The following LRRC4C variants were observed in gnomAD, a reference collection of about 807,000 sequenced individuals.
The protein encoded by LRRC4C is leucine rich repeat containing 4C.
A neutral mutation model predicts 33.6 loss-of-function variants in LRRC4C; 5 were observed. The ratio of observed to expected loss-of-function variants is 0.15; its 90% confidence interval spans 0.08 to 0.31. The LOEUF is 0.31. Among genes scored for constraint, LRRC4C ranks in the 10% least tolerant of loss-of-function variants. LRRC4C has a pLI of 1.00. For missense variants in LRRC4C, 560 were observed against 796.7 expected (o/e 0.70, Z 3.58); for synonymous variants, 329 against 302.0 (o/e 1.09, Z -0.93).
chr11:40,827,235 A>G (rs1396876517), intron 2 of LRRC4C, among the ~76,000 whole-genome samples: 1 of 151,884 alleles, frequency 6.6e-6, no homozygotes, highest in Admixed American at 6.6e-5. Context: ...TTTTAGTTGT[A>G]TAAATGCATC....
intron 1 of LRRC4C, among the ~76,000 whole-genome samples, chr11:41,449,276 T>G (rs1450887361): frequency 3.3e-5 from 5 of 152,140 alleles, no homozygotes; most frequent in African/African-American, 1.2e-4. Flanking sequence ...TTGGAAAAGT[T>G]GGAGCTAAAT....
At chr11:40,378,269 T>C (rs993763333) in intron 3 of LRRC4C, among the ~76,000 whole-genome samples, 2 of 152,038 alleles carry the variant, frequency 1.3e-5, no homozygotes, top group South Asian at 2.1e-4. Flanking sequence ...CTTATTTCAC[T>C]TGATTAACTT....
chr11:41,252,983 A>G (rs1351877146), intron 1 of LRRC4C, among the ~76,000 whole-genome samples: 2 of 152,136 alleles, frequency 1.3e-5, no homozygotes, highest in Non-Finnish European at 2.9e-5. Context: ...TCAAGATGAG[A>G]CTTGGATGGG....
chr11:40,398,935 C>T (rs556133086), intron 3 of LRRC4C, among the ~76,000 whole-genome samples: 3 of 152,178 alleles, frequency 2.0e-5, no homozygotes, highest in East Asian at 1.9e-4. Flanking sequence ...TCCCTTGGTG[C>T]GTTAAAGCTG....
intron 1 of LRRC4C, chr11:41,222,985 G>A (rs1487573575): frequency 6.6e-6 from 1 of 152,000 alleles, no homozygotes; most frequent in Non-Finnish European, 1.5e-5. Context: ...TACGGATAAT[G>A]ACAGTAAACA....
At chr11:41,150,961 A>C (rs1157962222) in intron 1 of LRRC4C, among the ~76,000 whole-genome samples, 1 of 152,090 alleles carries the variant, frequency 6.6e-6, no homozygotes, top group Admixed American at 6.5e-5. Context: ...GGGATGAATA[A>C]AGTTCATATT....
chr11:41,422,177 T>C (rs2138332764), intron 1 of LRRC4C, among the ~76,000 whole-genome samples: 1 of 152,154 alleles, frequency 6.6e-6, no homozygotes, highest in South Asian at 2.1e-4. Flanking sequence ...ATTGTCATTG[T>C]TCTGCCTTTT....
chr11:40,850,941 C>T (rs1953455746), intron 2 of LRRC4C, among the ~76,000 whole-genome samples: 1 of 152,200 alleles, frequency 6.6e-6, no homozygotes, highest in African/African-American at 2.4e-5. Context: ...CCAGGAAAAC[C>T]ACCTACTCAA....
In LRRC4C at chr11:41,213,549, C is replaced by A. The variant is rs1946911700; in HGVS notation, c.-496+245882G>T. ...CTTCTCTACCACATAGTGAATGGGT[C>A]ACAGCAAAAGATTTAGTGCTACAAA... On this transcript the variant is annotated intron_variant, in intron 1 of 6. Transcript: ENST00000528697. Among the ~76,000 whole-genome samples the A allele has an allele frequency of 3.3e-5, 5 of 152,278 alleles. No homozygotes were observed. The South Asian group carries it at 1.0e-3, about 32-fold the overall frequency.
chr11:40,546,574 T>C (rs1219862925), intron 3 of LRRC4C, among the ~76,000 whole-genome samples: 1 of 152,042 alleles, frequency 6.6e-6, no homozygotes, highest in Non-Finnish European at 1.5e-5. Flanking sequence ...ATGAAAAAAT[T>C]TGAATTACAG....
intron 3 of LRRC4C, among the ~76,000 whole-genome samples, chr11:40,324,386 A>T (rs975628665): frequency 1.3e-5 from 2 of 152,312 alleles, no homozygotes; most frequent in Middle Eastern, 6.8e-3. Flanking sequence ...TTGAATTCAT[A>T]TGACATCAGA....
At chr11:40,967,946 CAT>C (rs1851474057) in intron 1 of LRRC4C, among the ~76,000 whole-genome samples, 1 of 151,830 alleles carries the variant, frequency 6.6e-6, no homozygotes, top group Admixed American at 6.6e-5. Context: ...GAAAAAAACA[CAT>C]ATCTCACTTT....
In LRRC4C at chr11:40,756,593, T is replaced by G. The variant is rs112489973; in HGVS notation, c.-406-108315A>C. On this transcript the variant is annotated intron_variant, in intron 2 of 6. Coordinates refer to ENST00000528697, the MANE Select transcript of LRRC4C (RefSeq NM_001258419.2). The stretch of plus-strand genomic sequence containing the variant: ...ATTTTCTCCATATGCAAAATATCCT[T>G]TGGTATTTGGATACATTTTCAAAGC... Among the ~76,000 whole-genome samples, 682 of 152,160 alleles carry G rather than the reference T, an allele frequency of 4.5e-3. 6 individuals are homozygous for G. The highest frequency in any genetic ancestry group is 0.016 in the African/African-American group (660 of 41,546).
At chr11:40,798,608 A>G (rs1950919890) in intron 2 of LRRC4C, among the ~76,000 whole-genome samples, 2 of 151,366 alleles carry the variant, frequency 1.3e-5, no homozygotes, top group Non-Finnish European at 1.5e-5. Flanking sequence ...TCTAGAGGTT[A>G]TCAGTATTAT....
intron 6 of LRRC4C, among the ~76,000 whole-genome samples, chr11:40,139,669 C>G (rs530612793): frequency 6.6e-6 from 1 of 152,272 alleles, no homozygotes; most frequent in African/African-American, 2.4e-5. Context: ...CAATTAAACC[C>G]AAGACAGCAC....
intron 2 of LRRC4C, among the ~76,000 whole-genome samples, chr11:40,754,183 C>G (rs909309035): frequency 2.8e-4 from 42 of 151,896 alleles, no homozygotes; most frequent in African/African-American, 9.4e-4. Context: ...TAATTTTGTT[C>G]ACTGATGTTT....
chr11:41,338,717 T>A lies in LRRC4C; in HGVS notation c.-496+120714A>T, dbSNP rs193246142. On this transcript the variant is annotated intron_variant, in intron 1 of 6. Transcript: ENST00000528697. The stretch of plus-strand genomic sequence containing the variant: ...CTTAAAGTAAAATAAAAATAAAAAT[T>A]AAAATTAAAAAATAAATGCTTGGCA... Among the ~76,000 whole-genome samples the A allele has an allele frequency of 1.2e-3, 179 of 151,928 alleles. 2 individuals carry two copies. The East Asian group carries it at 0.022, about 18-fold the overall frequency.
intron 1 of LRRC4C, among the ~76,000 whole-genome samples, chr11:41,305,164 G>A (rs1394275063): frequency 8.3e-5 from 4 of 48,350 alleles, no homozygotes; most frequent in African/African-American, 2.1e-4. Context: ...CCTCTGCCCC[G>A]CCGCCCCTAC....
chr11:41,040,254 T>G (rs1432264001), intron 1 of LRRC4C, among the ~76,000 whole-genome samples: 1 of 152,014 alleles, frequency 6.6e-6, no homozygotes, highest in Non-Finnish European at 1.5e-5. Flanking sequence ...CTTCACTGTG[T>G]ATGTGTTTAT....
Sources: gnomAD v4.1 joint callset for allele counts (sites outside exome capture counted in the v4.1 genomes callset) on GRCh38, gnomAD v4.1.1 for gene constraint, MANE v1.5 for transcripts, NCBI Gene and HGNC (gene_info 2026-07-23, HGNC 2026-07-21) for gene names.